The following SEZ6L variants were observed in gnomAD, a reference collection of about 807,000 sequenced individuals.
SEZ6L encodes the protein seizure 6-like protein.
Under a neutral mutation model 106.2 loss-of-function variants are expected in SEZ6L, and 37 were observed. That is an observed-to-expected ratio of 0.35 (90% CI 0.27 to 0.46). SEZ6L has a LOEUF of 0.46. Ranked by LOEUF, SEZ6L falls within the 20% of genes least tolerant of loss-of-function variation. The pLI is 1.00. For synonymous variants in SEZ6L, 541 were observed against 570.4 expected, an observed-to-expected ratio of 0.95 and a Z score of 0.73; for missense variants, 1,172 against 1,332.8, an observed-to-expected ratio of 0.88 and a Z score of 1.88.
At chr22:26,174,254 G>A (rs936369114) in intron 1 of SEZ6L, among the ~76,000 whole-genome samples, 2 of 152,096 alleles carry the variant, frequency 1.3e-5, no homozygotes, top group African/African-American at 4.8e-5. Context: ...TGGCCCTGAA[G>A]GGGATAGGAC....
intron 1 of SEZ6L, among the ~76,000 whole-genome samples, chr22:26,187,210 A>T (rs1200435172): frequency 6.6e-6 from 1 of 152,190 alleles, no homozygotes; most frequent in Non-Finnish European, 1.5e-5. Flanking sequence ...GGAAGCAAAC[A>T]TGTCCTTCTT....
chr22:26,226,099 T>G (rs945860061), intron 1 of SEZ6L, among the ~76,000 whole-genome samples: 1 of 152,158 alleles, frequency 6.6e-6, no homozygotes, highest in African/African-American at 2.4e-5. Flanking sequence ...CACCATCAGC[T>G]CTCACCTGGC....
chr22:26,375,960 G>C (rs1014194573), intron 15 of SEZ6L, among the ~76,000 whole-genome samples: 3 of 152,186 alleles, frequency 2.0e-5, no homozygotes, highest in African/African-American at 7.2e-5. Flanking sequence ...ATAACATATT[G>C]CCAGGCATGT....
At chr22:26,233,571 G>T (rs1422428339) in intron 1 of SEZ6L, among the ~76,000 whole-genome samples, 1 of 152,204 alleles carries the variant, frequency 6.6e-6, no homozygotes, top group Non-Finnish European at 1.5e-5. Flanking sequence ...TGCGGACCAA[G>T]GTCCCACACC....
intron 1 of SEZ6L, among the ~76,000 whole-genome samples, chr22:26,214,925 C>T (rs779890882): frequency 7.9e-5 from 12 of 151,726 alleles, no homozygotes; most frequent in Non-Finnish European, 1.5e-4. Context: ...ATTTAGAGTG[C>T]CTGGCATATG....
At chr22:26,180,311 A>C (rs960468260) in intron 1 of SEZ6L, among the ~76,000 whole-genome samples, 2 of 152,202 alleles carry the variant, frequency 1.3e-5, no homozygotes, top group African/African-American at 4.8e-5. Flanking sequence ...CCTGTCTGAT[A>C]ATCACATCTG....
intron 12 of SEZ6L, 142 bp downstream of exon 12, chr22:26,351,385 C>A: frequency 1.5e-6 from 1 of 645,226 alleles, no homozygotes; most frequent in Non-Finnish European, 2.6e-6. Context: ...CAAAACAGTA[C>A]CTAACACTGA....
chr22:26,382,763 C>T lies in SEZ6L; in HGVS notation c.*2468C>T, dbSNP rs767868862. On this transcript the variant is annotated 3_prime_UTR_variant, in exon 17 of 17. Transcript: ENST00000248933. ...AAAAAAAAATAGTGCCAAAAATGTG[C>T]AAGGCATCTCATTACAGCTCATGTA... 1 of 152,010 alleles carries T rather than the reference C, an allele frequency of 6.6e-6. No individual in the cohort carries two copies. Among genetic ancestry groups the T allele is most frequent in the Admixed American group, 6.6e-5 (1 of 15,258 alleles). The allele number at this position is 152,010 out of a possible 1,614,324, so 9.4% of individuals were successfully genotyped here. A position where few individuals can be genotyped will look rare whatever the true frequency, so the allele number is the denominator to read the frequency against.
Position 26,347,853 on chromosome 22 carries a change from GAC to G in SEZ6L, c.2350_2351del (p.Thr784ProfsTer17). 6.2e-7 allele frequency: 1 copy of G among 1,601,392 alleles called. No homozygotes were observed. Among genetic ancestry groups the G allele is most frequent in the Non-Finnish European group, 8.5e-7 (1 of 1,176,042 alleles). On this transcript the variant is annotated frameshift_variant, in exon 11 of 17. Coordinates refer to ENST00000248933, the MANE Select transcript of SEZ6L (RefSeq NM_021115.5). LOFTEE classifies it high-confidence loss of function. Reference sequence around the variant, plus strand: ...CCCCGGCTATGACATCGTGGGGAGTGACACCCTCACCTGCCAGTGGGACCTCA... The same window carrying G: ...CCCCGGCTATGACATCGTGGGGAGTGACCCTCACCTGCCAGTGGGACCTCA... Reference protein sequence around the residue: ...CDPGYDIVGSDTLTCQWDLSW... With the variant: ...CDPGYDIVGSXTLTCQWDLSW...
At chr22:26,325,338 G>A (rs1314602967) in intron 9 of SEZ6L, among the ~76,000 whole-genome samples, 3 of 152,158 alleles carry the variant, frequency 2.0e-5, no homozygotes, top group Non-Finnish European at 4.4e-5. Flanking sequence ...CAGGTCTCCT[G>A]GTCCCAGCCC....
At chr22:26,210,998 T>A (rs555545030) in intron 1 of SEZ6L, among the ~76,000 whole-genome samples, 2 of 152,154 alleles carry the variant, frequency 1.3e-5, no homozygotes, top group African/African-American at 2.4e-5. Context: ...CACGTTCTCT[T>A]ATATACTATG....
intron 1 of SEZ6L, among the ~76,000 whole-genome samples, chr22:26,203,647 C>A (rs1163131213): frequency 4.6e-5 from 7 of 152,122 alleles, no homozygotes; most frequent in Non-Finnish European, 7.3e-5. Context: ...TCATTTAAGT[C>A]TTACAACAAC....
intron 6 of SEZ6L, 90 bp downstream of exon 6, chr22:26,306,234 C>T (rs1364156986): frequency 1.2e-5 from 17 of 1,419,118 alleles, no homozygotes; most frequent in Non-Finnish European, 1.5e-5. Flanking sequence ...ATGGCTGAAG[C>T]TTTGACCCTC....
chr22:26,208,757 T>A (rs1367317912), intron 1 of SEZ6L, among the ~76,000 whole-genome samples: 1 of 152,146 alleles, frequency 6.6e-6, no homozygotes, highest in Non-Finnish European at 1.5e-5. Context: ...TGTAAATGTA[T>A]GTTTTTCATC....
chr22:26,270,601 C>A (rs2080333857), intron 1 of SEZ6L, among the ~76,000 whole-genome samples: 1 of 152,082 alleles, frequency 6.6e-6, no homozygotes, highest in Admixed American at 6.6e-5. Context: ...CTTCAGTGCT[C>A]TGCAGGGAGA....
At chr22:26,283,446 G>A (rs1033133385) in intron 1 of SEZ6L, among the ~76,000 whole-genome samples, 3 of 152,148 alleles carry the variant, frequency 2.0e-5, no homozygotes, top group Non-Finnish European at 2.9e-5. Flanking sequence ...CGGCTTCTAA[G>A]TACAAAGTTG....
intron 1 of SEZ6L, among the ~76,000 whole-genome samples, chr22:26,281,085 G>A (rs2080745942): frequency 6.6e-6 from 1 of 152,164 alleles, no homozygotes; most frequent in African/African-American, 2.4e-5. Context: ...GTATTGAGAG[G>A]TGGTGACTCA....
chr22:26,264,734 C>G (rs1661338117), intron 1 of SEZ6L, among the ~76,000 whole-genome samples: 1 of 152,158 alleles, frequency 6.6e-6, no homozygotes, highest in African/African-American at 2.4e-5. Context: ...TCCAGTGAAA[C>G]TTAATTTACA....
At chr22:26,375,523 A>G in intron 14 of SEZ6L, 52 bp from the exon 15 acceptor site, 1 of 1,477,670 alleles carries the variant, frequency 6.8e-7, no homozygotes, top group Non-Finnish European at 9.4e-7. Flanking sequence ...TTGGGCACTC[A>G]CTGGGAGTCA....
Sources: allele counts gnomAD v4.1 joint callset (sites outside exome capture counted in the v4.1 genomes callset), GRCh38; gene constraint gnomAD v4.1.1; transcripts MANE v1.5; gene names NCBI Gene and HGNC (gene_info 2026-07-23, HGNC 2026-07-21).